Variants in TBXAS1 observed in about 807,000 individuals in gnomAD.
The protein encoded by TBXAS1 is thromboxane-A synthase.
A neutral mutation model predicts 60.7 loss-of-function variants in TBXAS1; 48 were observed. The observed-to-expected ratio is 0.79, with a 90% CI of 0.63 to 1.01. The LOEUF is 1.01. Ranked by LOEUF, TBXAS1 falls within the 50% of genes least tolerant of loss-of-function variation. The probability of loss-of-function intolerance (pLI) is 0.00; values close to 1 mark genes in which losing one functional copy is unlikely to be tolerated. For missense variants in TBXAS1, 685 were observed against 686.3 expected, an observed-to-expected ratio of 1.00 and a Z score of 0.02; for synonymous variants, 287 against 269.7, an observed-to-expected ratio of 1.06 and a Z score of -0.63.
chr7:139,840,134 T>C (rs1799339205), intron 1 of TBXAS1, among the ~76,000 whole-genome samples: 2 of 152,210 alleles, frequency 1.3e-5, no homozygotes, highest in South Asian at 2.1e-4. Context: ...TTTACCACTA[T>C]GCCTGGAAGT....
At chr7:139,961,532 T>A (rs553093061) in intron 8 of TBXAS1, among the ~76,000 whole-genome samples, 59 of 152,344 alleles carry the variant, frequency 3.9e-4, no homozygotes, top group Admixed American at 3.1e-3. Flanking sequence ...TAGACAGATA[T>A]AGGTGATGAT....
intron 3 of TBXAS1, among the ~76,000 whole-genome samples, chr7:139,897,234 C>T (rs1203740239): frequency 6.6e-6 from 1 of 151,766 alleles, no homozygotes; most frequent in Non-Finnish European, 1.5e-5. Context: ...AAAGAGGAGC[C>T]GTTCCAGGCA....
chr7:139,876,649 C>A (rs559372631), intron 3 of TBXAS1, among the ~76,000 whole-genome samples: 1 of 152,008 alleles, frequency 6.6e-6, no homozygotes, highest in Admixed American at 6.5e-5. Context: ...ATGGCCCCTC[C>A]TAGGAAGCCC....
chr7:139,917,541 A>G (rs1262465165), intron 4 of TBXAS1, among the ~76,000 whole-genome samples: 1 of 152,192 alleles, frequency 6.6e-6, no homozygotes, highest in Non-Finnish European at 1.5e-5. Flanking sequence ...ATGTCTGGAC[A>G]TGGCTAAGTC....
intron 3 of TBXAS1, among the ~76,000 whole-genome samples, chr7:139,893,325 GACAC>G (rs71170920): frequency 0.031 from 4,282 of 139,928 alleles, 181 homozygotes; most frequent in African/African-American, 0.097. Context: ...CTATGGAATA[GACAC>G]ACACACACAC....
Position 139,953,426 on chromosome 7 carries a change from C to T in TBXAS1, c.509C>T (p.Ala170Val), listed in dbSNP as rs775968061. The T allele has an allele frequency of 1.2e-5, 19 of 1,614,034 alleles. No individual in the cohort carries two copies. Among genetic ancestry groups the T allele is most frequent in the Admixed American group, 3.3e-5 (2 of 59,998 alleles). Residue 170 changes from alanine (A) to valine (V), a missense_variant, in exon 6 of 13, where the codon GCG (alanine) becomes GTG (valine). By Grantham distance (64) the Ala-to-Val change is moderately conservative (BLOSUM62 0). Coordinates refer to ENST00000448866, the MANE Select transcript of TBXAS1 (RefSeq NM_001061.7). ...DLLLAHLKRY[A>V]ESGDAFDIQR... ...CTCCTGGCTCATTTAAAACGCTATG[C>T]GGAATCTGGGGACGCATTTGACATC...
rs909508138 is a variant in TBXAS1 at position 139,880,051 on chromosome 7, T to G, written c.236+4414T>G. 5.9e-5 allele frequency among the ~76,000 whole-genome samples: 9 copies of G among 152,058 alleles called. 1 individual carries two copies. Among genetic ancestry groups the G allele is most frequent in the Admixed American group, 5.9e-4 (9 of 15,264 alleles). ...GGCATGTGCCATCACGCCCAGCAAA[T>G]TTTTGTATTTTTGGTAAAGACGGGG... On this transcript the variant is annotated intron_variant, in intron 3 of 12. Coordinates refer to ENST00000448866, the MANE Select transcript of TBXAS1 (RefSeq NM_001061.7).
chr7:139,916,590 G>A lies in TBXAS1; in HGVS notation c.333+5269G>A, dbSNP rs146858533. 2.2e-3 allele frequency among the ~76,000 whole-genome samples: 332 copies of A among 152,250 alleles called. No individual in the cohort carries two copies. The highest frequency in any genetic ancestry group is 7.5e-3 in the African/African-American group (311 of 41,540). On this transcript the variant is annotated intron_variant, in intron 4 of 12. Coordinates refer to ENST00000448866, the MANE Select transcript of TBXAS1 (RefSeq NM_001061.7). This position sits in a 1 kb window ranked among gnomAD's most constrained non-coding sequence, Gnocchi z 4.2. The stretch of plus-strand genomic sequence containing the variant: ...CAGCCTCTCAGGGGCTGCTTCACTC[G>A]CTCTCCACACAGCTGTGAACATTGC...
rs781397587 is a variant in TBXAS1, at chr7:140,015,824, A to G, written c.1328A>G (p.Glu443Gly). Reference protein sequence around the residue: ...MAVGALHHDPEHWPSPETFNP... With the variant: ...MAVGALHHDPGHWPSPETFNP... ...GTGGGTGCCCTGCACCATGACCCTGAGCACTGGCCAAGCCCGGAGACCTTC... is the reference window on the plus strand; with the variant it reads ...GTGGGTGCCCTGCACCATGACCCTGGGCACTGGCCAAGCCCGGAGACCTTC... Residue 443 changes from glutamate (E) to glycine (G), a missense_variant, in exon 11 of 13, where the codon GAG (glutamate) becomes GGG (glycine). Physicochemically the swap from Glu to Gly is moderately conservative, Grantham distance 98 (BLOSUM62 -2). Coordinates refer to ENST00000448866, the MANE Select transcript of TBXAS1 (RefSeq NM_001061.7). 3 of 1,613,806 alleles carry G rather than the reference A, an allele frequency of 1.9e-6. No homozygotes were observed. Among genetic ancestry groups the G allele is most frequent in the South Asian group, 1.1e-5 (1 of 91,078 alleles).
At chr7:139,989,986 T>C (rs1334623754) in intron 9 of TBXAS1, among the ~76,000 whole-genome samples, 2 of 152,200 alleles carry the variant, frequency 1.3e-5, no homozygotes, top group Admixed American at 6.5e-5. Context: ...CTCCTCCTTA[T>C]GCAAAACACC....
intron 9 of TBXAS1, among the ~76,000 whole-genome samples, chr7:139,990,927 G>A: frequency 6.6e-6 from 1 of 152,146 alleles, no homozygotes; most frequent in Non-Finnish European, 1.5e-5. Context: ...CCTCCCGACG[G>A]TGCAGGCACG....
chr7:139,950,213 A>C (rs1158344177), intron 5 of TBXAS1, among the ~76,000 whole-genome samples: 1 of 151,750 alleles, frequency 6.6e-6, no homozygotes, highest in African/African-American at 2.4e-5. Context: ...TTATATTTTT[A>C]GTAGAGAGGG....
chr7:139,830,192 G>T (rs1021209732), intron 1 of TBXAS1, among the ~76,000 whole-genome samples: 20 of 152,168 alleles, frequency 1.3e-4, no homozygotes, highest in African/African-American at 4.8e-4. Flanking sequence ...TATTCGCCCT[G>T]TCAGTTAAAC....
chr7:139,901,600 T>C (rs946078794), intron 3 of TBXAS1, among the ~76,000 whole-genome samples: 2 of 152,000 alleles, frequency 1.3e-5, no homozygotes, highest in Admixed American at 6.5e-5. Context: ...TCAGATTGGG[T>C]CCACAATCTG....
At chr7:139,865,650 AGAG>A (rs1445366393) in intron 1 of TBXAS1, among the ~76,000 whole-genome samples, 2 of 15,990 alleles carry the variant, frequency 1.3e-4, no homozygotes, top group Non-Finnish European at 1.2e-4. Flanking sequence ...AGGAGGAGGA[AGAG>A]GAGGAGGAGG....
chr7:139,802,621 C>T (rs1797749352), intron 4 of TBXAS1, among the ~76,000 whole-genome samples: 1 of 152,138 alleles, frequency 6.6e-6, no homozygotes. Context: ...CCCATGTCTG[C>T]TGAAAATACA....
At chr7:139,892,461 C>T (rs191989839) in intron 3 of TBXAS1, among the ~76,000 whole-genome samples, 63 of 152,118 alleles carry the variant, frequency 4.1e-4, no homozygotes, top group African/African-American at 1.3e-3. Flanking sequence ...AGTATGGTGC[C>T]GCGCACCTGT....
chr7:139,817,334 C>T (rs993810461), intron 4 of TBXAS1, among the ~76,000 whole-genome samples: 5 of 152,076 alleles, frequency 3.3e-5, no homozygotes, highest in African/African-American at 9.7e-5. Context: ...TGCACACGTG[C>T]CTGCTCCACA....
At chr7:139,965,339 G>A (rs1160295633) in intron 9 of TBXAS1, among the ~76,000 whole-genome samples, 4 of 152,200 alleles carry the variant, frequency 2.6e-5, no homozygotes, top group African/African-American at 7.2e-5. Flanking sequence ...GTGCATAAAA[G>A]TATATAGGAA....
Sources: gnomAD v4.1 joint callset for allele counts (sites outside exome capture counted in the v4.1 genomes callset) on GRCh38, gnomAD v4.1.1 for gene constraint, Gnocchi (gnomAD v3.1) non-coding constraint, MANE v1.5 for transcripts, NCBI Gene and HGNC (gene_info 2026-07-23, HGNC 2026-07-21) for gene names.